Variants in KCTD19 observed in about 807,000 individuals in gnomAD.
KCTD19 encodes the protein potassium channel tetramerization domain containing 19.
Under a neutral mutation model 103.5 loss-of-function variants are expected in KCTD19, and 67 were observed. That is an observed-to-expected ratio of 0.65 (90% CI 0.53 to 0.79). KCTD19 has a LOEUF of 0.79. Ranked by LOEUF, KCTD19 falls within the 30% of genes least tolerant of loss-of-function variation. KCTD19 has a pLI of 0.00. For missense variants in KCTD19, 980 were observed against 1,136.1 expected, an observed-to-expected ratio of 0.86 and a Z score of 1.98; for synonymous variants, 439 against 452.2, an observed-to-expected ratio of 0.97 and a Z score of 0.37.
At chr16:67,296,292 A>G (rs369932414) in intron 7 of KCTD19, 33 bp from the exon 8 acceptor site, 30 of 1,369,538 alleles carry the variant, frequency 2.2e-5, no homozygotes, top group Non-Finnish European at 2.7e-5. Flanking sequence ...ACACATCATC[A>G]TATGGCCAGA....
At chr16:67,325,885 G>A (rs986240493) in intron 1 of KCTD19, 1 of 150,114 alleles carries the variant, frequency 6.7e-6, no homozygotes, top group Admixed American at 6.6e-5. Flanking sequence ...CTTCTCCCCC[G>A]AAGAAGCTCC....
chr16:67,321,731 G>A (rs913069609), intron 1 of KCTD19: 3 of 152,026 alleles, frequency 2.0e-5, no homozygotes, highest in East Asian at 1.9e-4. Flanking sequence ...ACTACCCTAC[G>A]TTCTCCTACA....
At chr16:67,295,595 C>A (rs991453615) in intron 8 of KCTD19, 190 bp from the exon 9 acceptor site, 2 of 551,548 alleles carry the variant, frequency 3.6e-6, no homozygotes, top group Non-Finnish European at 6.2e-6. Flanking sequence ...ATCATCCCTG[C>A]TTCAACTTTT....
intron 1 of KCTD19, among the ~76,000 whole-genome samples, chr16:67,325,632 G>A (rs1311933923): frequency 6.6e-6 from 1 of 152,050 alleles, no homozygotes; most frequent in East Asian, 1.9e-4. Context: ...GCTCTTAAGT[G>A]CCTGCTGGAG....
At chr16:67,292,905 T>C (rs2036716251) in intron 12 of KCTD19, among the ~76,000 whole-genome samples, 1 of 152,066 alleles carries the variant, frequency 6.6e-6, no homozygotes. Flanking sequence ...TCCCACAGGC[T>C]AGAAACCTGG....
rs1291745271 is a variant in KCTD19, at chr16:67,320,144, C to T, written c.300+445G>A. On this transcript the variant is annotated intron_variant, in intron 2 of 15. Transcript: ENST00000304372. The surrounding 1 kb of genome is among the most constrained non-coding windows in gnomAD (Gnocchi z 4.0). ...GTGGCTCATGCCGGTAATCCCAGCT[C>T]TTAGGGAGGCTGAGGGAGCACTTAG... Among the ~76,000 whole-genome samples the T allele has an allele frequency of 1.3e-5, 2 of 152,096 alleles. No homozygotes were observed. Among genetic ancestry groups the T allele is most frequent in the African/African-American group, 4.8e-5 (2 of 41,400 alleles).
rs750634015 is a variant in KCTD19 at position 67,294,606 on chromosome 16, C to G, written c.1564G>C (p.Val522Leu). 1 of 1,613,698 alleles carries G rather than the reference C, an allele frequency of 6.2e-7. No individual in the cohort carries two copies. Among genetic ancestry groups the G allele is most frequent in the Admixed American group, 1.7e-5 (1 of 60,030 alleles). ...TCTTTAGTGTCTCTACTGAACTCCA[C>G]CAGTGACCCTGGCCCTTCTGTCACC... The part of the protein sequence containing the change: ...HVVTEGPGSL[V>L]EFSRDTKETT... The change falls in exon 11 of 16, where the codon GTG (valine) becomes CTG (leucine). Residue 522 changes from valine (V) to leucine (L), a missense_variant. Coordinates refer to ENST00000304372, the MANE Select transcript of KCTD19 (RefSeq NM_001100915.3).
intron 6 of KCTD19, among the ~76,000 whole-genome samples, chr16:67,298,700 C>G (rs1250873975): frequency 6.6e-6 from 1 of 152,226 alleles, no homozygotes; most frequent in Non-Finnish European, 1.5e-5. Flanking sequence ...CATTCAGGGT[C>G]AGCTGACCCT....
intron 4 of KCTD19, chr16:67,302,659 A>G (rs965560084): frequency 4.3e-5 from 7 of 162,450 alleles, no homozygotes; most frequent in African/African-American, 1.7e-4. Flanking sequence ...CAATTCTGCT[A>G]TGACTCTGGG....
At chr16:67,311,111 G>C (rs2036944610) in intron 2 of KCTD19, among the ~76,000 whole-genome samples, 1 of 152,148 alleles carries the variant, frequency 6.6e-6, no homozygotes, top group Non-Finnish European at 1.5e-5. Flanking sequence ...GAGGTGCTAG[G>C]TGTTTGTTTC....
chr16:67,296,659 A>G (rs555397430), intron 7 of KCTD19, among the ~76,000 whole-genome samples: 12 of 151,866 alleles, frequency 7.9e-5, no homozygotes, highest in African/African-American at 2.4e-4. Context: ...CATGGAGCCA[A>G]CTCTCATCAA....
At position 67,318,633 on chromosome 16, in the gene KCTD19, G is replaced by C. The variant is rs1347410196; in HGVS notation, c.300+1956C>G. Among the ~76,000 whole-genome samples, 3 of 151,644 alleles carry C rather than the reference G, an allele frequency of 2.0e-5. No individual in the cohort carries two copies. In the East Asian group the frequency reaches 5.8e-4, roughly 29 times the overall value. ...AATTTGGGAAGTGAGGACAGCAAAG[G>C]GTTTAAAGGGCTTAATACACTGTAG... is the stretch of plus-strand genomic sequence containing the variant. On this transcript the variant is annotated intron_variant, in intron 2 of 15. Transcript: ENST00000304372.
At chr16:67,304,328 C>T (rs2036868182) in intron 3 of KCTD19, 93 bp downstream of exon 3, 2 of 1,243,622 alleles carry the variant, frequency 1.6e-6, no homozygotes, top group Non-Finnish European at 1.2e-6. Flanking sequence ...AAATCAGGCA[C>T]TCTCTGCTCT....
At chr16:67,317,099 G>A (rs894940289) in intron 2 of KCTD19, among the ~76,000 whole-genome samples, 1 of 152,186 alleles carries the variant, frequency 6.6e-6, no homozygotes, top group African/African-American at 2.4e-5. Flanking sequence ...ACTCTATGGT[G>A]AGGAGTACTA....
In KCTD19 at chr16:67,291,380, T is replaced by C. The variant is rs1322649924; in HGVS notation, c.2494A>G (p.Met832Val). The C allele has an allele frequency of 1.2e-6, 2 of 1,614,170 alleles. No individual in the cohort carries two copies. Among genetic ancestry groups the C allele is most frequent in the East Asian group, 2.2e-5 (1 of 44,876 alleles). The part of the protein sequence containing the change: ...KCHCFLADII[M>V]DSIRQKDPKA... ...GGGTCCTTTTGCCTGATGGAATCCA[T>C]GATGATGTCAGCCAGGAAGCAGTGA... Residue 832 changes from methionine (M) to valine (V), a missense_variant, in exon 14 of 16, where the codon ATG becomes GTG. Met to Val is a conservative substitution (Grantham distance 21). Coordinates refer to ENST00000304372, the MANE Select transcript of KCTD19 (RefSeq NM_001100915.3).
chr16:67,291,270 G>C (rs1567446183), intron 14 of KCTD19, 39 bp downstream of exon 14: 1 of 1,599,114 alleles, frequency 6.3e-7, no homozygotes, highest in Non-Finnish European at 8.5e-7. Context: ...GGTGGAGAAG[G>C]TACAGGGTGC....
chr16:67,295,387 T>A lies in KCTD19; in HGVS notation c.1267A>T (p.Asn423Tyr). 6.2e-7 allele frequency: 1 copy of A among 1,613,078 alleles called. No homozygotes were observed. Among genetic ancestry groups the A allele is most frequent in the Non-Finnish European group, 8.5e-7 (1 of 1,179,190 alleles). ...TLLKYPELLS[N>Y]PQRVYWITYG... Reference sequence around the variant, plus strand: ...GTGATCCAGTACACTCTCTGAGGGTTGGACAGCAGTTCTGGATACTGGAGG... The same window carrying A: ...GTGATCCAGTACACTCTCTGAGGGTAGGACAGCAGTTCTGGATACTGGAGG... Residue 423 changes from asparagine to tyrosine, a missense_variant, in exon 9 of 16, where the codon AAC becomes TAC. Asn to Tyr is a moderately radical substitution (Grantham distance 143). Coordinates refer to ENST00000304372, the MANE Select transcript of KCTD19 (RefSeq NM_001100915.3).
intron 2 of KCTD19, among the ~76,000 whole-genome samples, chr16:67,309,923 C>G (rs755942513): frequency 2.0e-5 from 3 of 152,152 alleles, no homozygotes; most frequent in Non-Finnish European, 4.4e-5. Context: ...GCACCATTTT[C>G]CCCAAGAAAG....
In KCTD19 at chr16:67,301,694, C is replaced by T. The variant is rs901597803; in HGVS notation, c.775+97G>A. 24 of 1,204,226 alleles carry T rather than the reference C, an allele frequency of 2.0e-5. No individual in the cohort carries two copies. The African/African-American group carries it at 3.5e-4, about 18-fold the overall frequency. The allele number at this position is 1,204,226 out of a possible 1,614,324, so 74.6% of individuals were successfully genotyped here. ...AAAACCCAATCCTCTCACTAACCCC[C>T]AAAGCCCGAAGTGATTGTGGGAGGG... On this transcript the variant is annotated intron_variant, in intron 5 of 15. Transcript: ENST00000304372.
Sources: gnomAD v4.1 joint callset for allele counts (sites outside exome capture counted in the v4.1 genomes callset) on GRCh38, gnomAD v4.1.1 for gene constraint, Gnocchi (gnomAD v3.1) non-coding constraint, MANE v1.5 for transcripts, NCBI Gene and HGNC (gene_info 2026-07-23, HGNC 2026-07-21) for gene names.